Variants in CEP63 observed in about 807,000 individuals in gnomAD.
CEP63 encodes centrosomal protein of 63 kDa.
In CEP63, 84 loss-of-function variants were observed where a neutral mutation model predicts 89.1. That is an observed-to-expected ratio of 0.94 (90% CI 0.79 to 1.13). The LOEUF is 1.13. Among genes scored for constraint, CEP63 ranks in the 50% most tolerant of loss-of-function variants. The pLI is 0.00. For missense variants in CEP63, 838 were observed against 813.3 expected (o/e 1.03, Z -0.37); for synonymous variants, 267 against 272.5 (o/e 0.98, Z 0.20).
intron 2 of CEP63, among the ~76,000 whole-genome samples, chr3:134,498,230 C>T (rs6802654): frequency 0.66 from 100,129 of 151,822 alleles, 33,406 homozygotes; most frequent in East Asian, 0.81. Context: ...CTTCAATTTC[C>T]TTCATTAGTG....
chr3:134,732,952 A>G, the CEP63 span, among the ~76,000 whole-genome samples: 1 of 152,210 alleles, frequency 6.6e-6, no homozygotes, highest in African/African-American at 2.4e-5. Flanking sequence ...ATAGAAGTAA[A>G]CAAGTATTGT....
the CEP63 span, among the ~76,000 whole-genome samples, chr3:134,730,323 C>T: frequency 2.0e-4 from 30 of 152,246 alleles, 1 homozygote; most frequent in African/African-American, 5.3e-4. Flanking sequence ...AATATTTAGG[C>T]GAGGCAGGTT....
chr3:134,706,303 C>T, the CEP63 span, among the ~76,000 whole-genome samples: 1 of 152,158 alleles, frequency 6.6e-6, no homozygotes, highest in Non-Finnish European at 1.5e-5. Flanking sequence ...GGCTTAAAAT[C>T]AGCTTGTAGT....
chr3:134,712,266 T>G, the CEP63 span, among the ~76,000 whole-genome samples: 1 of 152,192 alleles, frequency 6.6e-6, no homozygotes, highest in East Asian at 1.9e-4. Context: ...GAAATATCCT[T>G]GTATTTTTTA....
chr3:134,525,016 T>A (rs113655367), intron 3 of CEP63, among the ~76,000 whole-genome samples: 82 of 152,260 alleles, frequency 5.4e-4, no homozygotes, highest in African/African-American at 1.9e-3. Context: ...GACCCTGGGC[T>A]TTTTTTGGTT....
chr3:134,496,038 G>T (rs1456859583), intron 2 of CEP63, among the ~76,000 whole-genome samples: 1 of 152,104 alleles, frequency 6.6e-6, no homozygotes, highest in East Asian at 1.9e-4. Context: ...TAAACATGGG[G>T]GTACAAGTAT....
At chr3:134,706,541 C>T in the CEP63 span, among the ~76,000 whole-genome samples, 2 of 152,120 alleles carry the variant, frequency 1.3e-5, no homozygotes, top group Non-Finnish European at 2.9e-5. Flanking sequence ...AAAGGTTGCT[C>T]CTAGGGACCT....
chr3:134,691,312 C>T, the CEP63 span, among the ~76,000 whole-genome samples: 12 of 148,520 alleles, frequency 8.1e-5, no homozygotes, highest in South Asian at 1.1e-3. Context: ...GAGCTGAGAT[C>T]GTGCCATTGC....
chr3:134,589,484 C>T (rs547188703), downstream of CEP63, among the ~76,000 whole-genome samples: 1 of 152,010 alleles, frequency 6.6e-6, no homozygotes, highest in South Asian at 2.1e-4. Flanking sequence ...ATAACTTCTA[C>T]CCAGCACAAT....
chr3:134,530,550 TTTG>T (rs151166835), intron 3 of CEP63, among the ~76,000 whole-genome samples: 108 of 152,282 alleles, frequency 7.1e-4, no homozygotes, highest in African/African-American at 2.5e-3. Context: ...ACCTTTTAAT[TTTG>T]TTAATTGGAT....
chr3:134,663,550 C>A, the CEP63 span, among the ~76,000 whole-genome samples: 21 of 152,208 alleles, frequency 1.4e-4, no homozygotes, highest in Non-Finnish European at 2.6e-4. Flanking sequence ...ACCCCGGGGG[C>A]CTTCTATTCT....
intron 10 of CEP63, among the ~76,000 whole-genome samples, chr3:134,580,652 A>G (rs1033749042): frequency 6.6e-6 from 1 of 152,250 alleles, no homozygotes; most frequent in Non-Finnish European, 1.5e-5. Flanking sequence ...TGCAAAAGTC[A>G]TTAACAAAAT....
the CEP63 span, among the ~76,000 whole-genome samples, chr3:134,691,494 T>G: frequency 6.6e-6 from 1 of 151,178 alleles, no homozygotes; most frequent in Non-Finnish European, 1.5e-5. Context: ...GGTGTGTGCC[T>G]GTAGTCACAG....
chr3:134,684,926 T>C, the CEP63 span, among the ~76,000 whole-genome samples: 1 of 152,110 alleles, frequency 6.6e-6, no homozygotes, highest in Admixed American at 6.5e-5. Flanking sequence ...GCTTCCCTAA[T>C]CTGGATCCTC....
At chr3:134,748,908 T>C in the CEP63 span, among the ~76,000 whole-genome samples, 6 of 152,064 alleles carry the variant, frequency 3.9e-5, no homozygotes. Flanking sequence ...TGTGGGCAGA[T>C]GGCAAGGGCA....
chr3:134,597,182 C>T, the CEP63 span, among the ~76,000 whole-genome samples: 393 of 152,194 alleles, frequency 2.6e-3, 3 homozygotes, highest in Middle Eastern at 0.024. Flanking sequence ...CAGCATGGAG[C>T]GATCCTCTTG....
the CEP63 span, among the ~76,000 whole-genome samples, chr3:134,693,772 G>A: frequency 6.6e-6 from 1 of 152,230 alleles, no homozygotes; most frequent in Non-Finnish European, 1.5e-5. Flanking sequence ...GAACCTGAGT[G>A]CAAGGGCTTG....
the CEP63 span, among the ~76,000 whole-genome samples, chr3:134,686,945 C>T: frequency 1.3e-5 from 2 of 152,122 alleles, no homozygotes; most frequent in African/African-American, 4.8e-5. Flanking sequence ...GCAGAAAACT[C>T]CCTCCTCCAT....
chr3:134,524,451 C>T lies in CEP63; in HGVS notation c.223-7394C>T, dbSNP rs575751193. On this transcript the variant is annotated intron_variant, in intron 3 of 14. Transcript: ENST00000675561. ...AATAGGAGTGGTGAGAGAGGGCATC[C>T]TTCTCTTCTGCTGGTTTTCAAGGGT... 8.0e-4 allele frequency among the ~76,000 whole-genome samples: 122 copies of T among 152,216 alleles called. 2 individuals are homozygous for T. The highest frequency in any genetic ancestry group is 3.4e-3 in the Middle Eastern group (1 of 294).
Sources: allele counts gnomAD v4.1 joint callset (sites outside exome capture counted in the v4.1 genomes callset), GRCh38; gene constraint gnomAD v4.1.1; transcripts MANE v1.5; gene names NCBI Gene and HGNC (gene_info 2026-07-23, HGNC 2026-07-21).